NUSAP1: variants seen among roughly 807,000 people sequenced by gnomAD.
NUSAP1 encodes the protein nucleolar and spindle associated protein 1, also known as nucleolar and spindle-associated protein 1.
Under a neutral mutation model 52.8 loss-of-function variants are expected in NUSAP1, and 32 were observed. The ratio of observed to expected loss-of-function variants is 0.61; its 90% CI spans 0.46 to 0.81. NUSAP1 has a LOEUF of 0.81. NUSAP1 is among the 40% of genes least tolerant of loss of function. The pLI, the probability that NUSAP1 is intolerant of heterozygous loss-of-function variation, is 0.00. For missense variants in NUSAP1, 499 were observed against 522.3 expected, an observed-to-expected ratio of 0.96 and a Z score of 0.43; for synonymous variants, 195 against 183.1, an observed-to-expected ratio of 1.06 and a Z score of -0.52.
intron 7 of NUSAP1, among the ~76,000 whole-genome samples, chr15:41,368,435 C>A (rs2049509143): frequency 6.6e-6 from 1 of 152,138 alleles, no homozygotes; most frequent in African/African-American, 2.4e-5. Context: ...TTACAGTGAA[C>A]TGAAAAATTA....
chr15:41,339,313 A>G (rs1365979625), intron 1 of NUSAP1, among the ~76,000 whole-genome samples: 1 of 152,162 alleles, frequency 6.6e-6, no homozygotes, highest in African/African-American at 2.4e-5. Context: ...TTTCACAAGA[A>G]TTATATATTA....
In NUSAP1 at chr15:41,332,979, G is replaced by A. The variant is rs889459252; in HGVS notation, c.22G>A (p.Glu8Lys). The A allele has an allele frequency of 6.2e-7, 1 of 1,611,278 alleles. No homozygotes were observed. Among genetic ancestry groups the A allele is most frequent in the African/African-American group, 1.3e-5 (1 of 74,848 alleles). MIIPSLEELDSLKYSDLQ... is the reference protein window; with the variant it reads MIIPSLEKLDSLKYSDLQ... ...CGCGATGATCATCCCCTCTCTAGAG[G>A]AGCTGGACTCCCTCAAGTACAGTGA... Residue 8 changes from glutamate (E) to lysine (K), a missense_variant, in exon 1 of 11, where the codon GAG (glutamate) becomes AAG (lysine). Transcript: ENST00000559596.
At chr15:41,358,341 A>G in intron 6 of NUSAP1, 83 bp downstream of exon 6, 1 of 656,858 alleles carries the variant, frequency 1.5e-6, no homozygotes, top group Non-Finnish European at 2.7e-6. Context: ...GGTTACAACA[A>G]CTGGCTGTCA....
At chr15:41,338,921 C>T (rs772156455) in intron 1 of NUSAP1, among the ~76,000 whole-genome samples, 41 of 151,944 alleles carry the variant, frequency 2.7e-4, no homozygotes, top group Non-Finnish European at 3.8e-4. Flanking sequence ...GCCAAGATCA[C>T]GGCACTGCAC....
At chr15:41,337,334 T>C (rs1278109499) in intron 1 of NUSAP1, among the ~76,000 whole-genome samples, 4 of 152,136 alleles carry the variant, frequency 2.6e-5, no homozygotes, top group African/African-American at 9.7e-5. Context: ...ACCAAACCTT[T>C]TAGCCACCCT....
At chr15:41,339,690 C>T (rs866086346) in intron 1 of NUSAP1, among the ~76,000 whole-genome samples, 7 of 152,060 alleles carry the variant, frequency 4.6e-5, no homozygotes, top group Non-Finnish European at 1.0e-4. Context: ...GGATTACAGG[C>T]GTGAGCCACC....
Position 41,380,247 on chromosome 15 carries a change from T to TG in NUSAP1, c.*61_*62insG. On this transcript the variant is annotated 3_prime_UTR_variant, in exon 11 of 11. Transcript: ENST00000559596. ...TCAACTTTTTTCCTTTTGTAAATTT[T>TG]TTTTTTTTGCTGTCATCCCCACTTT... The TG allele has an allele frequency of 7.8e-7, 1 of 1,289,268 alleles. No homozygotes were observed. Among genetic ancestry groups the TG allele is most frequent in the South Asian group, 1.4e-5 (1 of 73,638 alleles). 79.9% of individuals were successfully genotyped at this position (1,289,268 alleles called of 1,614,324 possible).
rs753089189 is a variant in NUSAP1, at chr15:41,380,112, C to T, written c.1252C>T (p.Arg418Cys). 1.7e-5 allele frequency: 27 copies of T among 1,585,622 alleles called. No homozygotes were observed. The highest frequency in any genetic ancestry group is 5.4e-5 in the African/African-American group (4 of 74,158). ...LQTKEEQRKK[R>C]EQERKEKKAK... is the part of the protein sequence containing the mutation. ...TCTCAGGGAAGAGCAACGGAAGAAA[C>T]GCGAGCAAGAACGAAAGGAGAAGAA... Residue 418 changes from arginine (R) to cysteine (C), a missense_variant, in exon 11 of 11, where the codon CGC becomes TGC. By Grantham distance (180) the Arg-to-Cys change is radical (BLOSUM62 -3). Transcript: ENST00000559596.
chr15:41,368,728 C>CTTTTTTTTTTTTTTTTTTT (rs57501156), intron 7 of NUSAP1, among the ~76,000 whole-genome samples: 1 of 77,942 alleles, frequency 1.3e-5, no homozygotes, highest in African/African-American at 5.3e-5. Flanking sequence ...TTATTTTATT[C>CTTTTTTTTTTTTTTTTTTT]TTTTTTTTTT....
chr15:41,370,965 T>TA (rs1436537962), intron 7 of NUSAP1, among the ~76,000 whole-genome samples: 1 of 152,022 alleles, frequency 6.6e-6, no homozygotes, highest in African/African-American at 2.4e-5. Flanking sequence ...TTATGAATTG[T>TA]AAAAACACAT....
At chr15:41,355,769 C>T (rs1238249789) in intron 4 of NUSAP1, among the ~76,000 whole-genome samples, 1 of 151,630 alleles carries the variant, frequency 6.6e-6, no homozygotes, top group African/African-American at 2.4e-5. Flanking sequence ...TTCCGCCTCC[C>T]GGGTTCACAC....
intron 6 of NUSAP1, among the ~76,000 whole-genome samples, chr15:41,362,393 G>T (rs1241237615): frequency 6.8e-6 from 1 of 147,054 alleles, no homozygotes; most frequent in African/African-American, 2.5e-5. Context: ...TATATTATCT[G>T]TTTTAAGTAC....
Position 41,380,127 on chromosome 15 carries a change from AAGG to A in NUSAP1, c.1270_1272del (p.Glu424del). ...ACGGAAGAAACGCGAGCAAGAACGAAAGGAGAAGAAAGCAAAGGTTTTGGGAAT... is the reference window on the plus strand; with the variant it reads ...ACGGAAGAAACGCGAGCAAGAACGAAAGAAGAAAGCAAAGGTTTTGGGAAT... On this transcript the variant is annotated inframe_deletion, in exon 11 of 11. Transcript: ENST00000559596. 1 of 1,588,396 alleles carries A rather than the reference AAGG, an allele frequency of 6.3e-7. No homozygotes were observed. The highest frequency in any genetic ancestry group is 8.6e-7 in the Non-Finnish European group (1 of 1,167,250).
At chr15:41,340,489 G>C (rs2048332322) in intron 1 of NUSAP1, among the ~76,000 whole-genome samples, 1 of 151,994 alleles carries the variant, frequency 6.6e-6, no homozygotes, top group African/African-American at 2.4e-5. Flanking sequence ...TCTAGTGTCT[G>C]GAACAGTGCC....
At chr15:41,377,816 G>T (rs150641847) in intron 10 of NUSAP1, among the ~76,000 whole-genome samples, 1 of 145,222 alleles carries the variant, frequency 6.9e-6, no homozygotes, top group Non-Finnish European at 1.5e-5. Flanking sequence ...CCTGGCTAAC[G>T]CATTGAAACC....
chr15:41,380,591 T>C lies in NUSAP1; in HGVS notation c.*405T>C, dbSNP rs1265184789. 6.1e-6 allele frequency: 1 copy of C among 164,628 alleles called. No homozygotes were observed. Among genetic ancestry groups the C allele is most frequent in the Non-Finnish European group, 1.3e-5 (1 of 76,070 alleles). The allele number at this position is 164,628 out of a possible 1,614,324, so 10.2% of individuals were successfully genotyped here. A position where few individuals can be genotyped will look rare whatever the true frequency, so the allele number is the denominator to read the frequency against. ...AGGAGAATTTGAACAATAACAAGAA[T>C]AGGGTAAGCTGGGATAGAAAGGCCA... On this transcript the variant is annotated 3_prime_UTR_variant, in exon 11 of 11. Coordinates refer to ENST00000559596, the MANE Select transcript of NUSAP1 (RefSeq NM_016359.5).
At position 41,349,722 on chromosome 15, in the gene NUSAP1, A is replaced by T. The variant is rs543171872; in HGVS notation, c.306+481A>T. Among the ~76,000 whole-genome samples, 3 of 144,738 alleles carry T rather than the reference A, an allele frequency of 2.1e-5. No individual in the cohort carries two copies. The South Asian group carries it at 6.8e-4, about 33-fold the overall frequency. 95.0% of individuals were successfully genotyped at this position (144,738 alleles called of 152,430 possible). A position where few individuals can be genotyped will look rare whatever the true frequency, so the allele number is the denominator to read the frequency against. The stretch of plus-strand genomic sequence containing the variant: ...TCTTTTATCTTATCCTTTTATTCAA[A>T]TGTAATTTTTACAAAGCACAGTCTT... On this transcript the variant is annotated intron_variant, in intron 3 of 10. Transcript: ENST00000559596.
intron 7 of NUSAP1, among the ~76,000 whole-genome samples, chr15:41,368,923 T>G (rs1465158178): frequency 1.3e-5 from 2 of 151,942 alleles, no homozygotes; most frequent in Non-Finnish European, 2.9e-5. Context: ...TTGTTTGTTT[T>G]GTATTTTTAG....
rs1211893430 is a variant in NUSAP1, at chr15:41,342,441, G to A, written c.149G>A (p.Gly50Glu). The A allele has an allele frequency of 2.5e-6, 4 of 1,590,700 alleles. No individual in the cohort carries two copies. Among genetic ancestry groups the A allele is most frequent in the Middle Eastern group, 1.7e-4 (1 of 6,042 alleles). ...KGYIKHEARK[G>E]NENQDESQTS... Reference sequence around the variant, plus strand: ...TACATTAAACATGAGGCAAGAAAAGGAAATGAGAATCAGGTGAGTAATGTT... The same window carrying A: ...TACATTAAACATGAGGCAAGAAAAGAAAATGAGAATCAGGTGAGTAATGTT... Residue 50 changes from glycine (G) to glutamate (E), a missense_variant, in exon 2 of 11, where the codon GGA (glycine) becomes GAA (glutamate). Gly to Glu is a moderately conservative substitution (Grantham distance 98, BLOSUM62 -2). Transcript: ENST00000559596.
Sources: allele counts gnomAD v4.1 joint callset (sites outside exome capture counted in the v4.1 genomes callset), GRCh38; gene constraint gnomAD v4.1.1; transcripts MANE v1.5; gene names NCBI Gene and HGNC (gene_info 2026-07-23, HGNC 2026-07-21).